The following TBC1D14 variants were observed in gnomAD, a reference collection of about 807,000 sequenced individuals.
The protein encoded by TBC1D14 is TBC1 domain family, member 14.
A neutral mutation model predicts 79.0 loss-of-function variants in TBC1D14; 26 were observed. The observed-to-expected ratio is 0.33, with a 90% CI of 0.24 to 0.46. TBC1D14 has a LOEUF of 0.46. Ranked by LOEUF, TBC1D14 falls within the 20% of genes least tolerant of loss-of-function variation. TBC1D14 has a pLI of 1.00. For missense variants in TBC1D14, 769 were observed against 887.6 expected, an observed-to-expected ratio of 0.87 and a Z score of 1.70; for synonymous variants, 394 against 349.9, an observed-to-expected ratio of 1.13 and a Z score of -1.40.
chr4:6,934,329 G>A (rs1008576980), intron 2 of TBC1D14, among the ~76,000 whole-genome samples: 1 of 152,084 alleles, frequency 6.6e-6, no homozygotes, highest in Admixed American at 6.6e-5. Context: ...GCTGGGTGCC[G>A]GCCCGGTGAG....
rs1560245927 is a variant in TBC1D14 at position 6,923,629 on chromosome 4, C to T, written c.240C>T (p.Pro80=). Residue 80 remains proline, a synonymous_variant, in exon 2 of 14, where the codon CCC becomes CCT. Coordinates refer to ENST00000409757, the MANE Select transcript of TBC1D14 (RefSeq NM_020773.3). ...AGATCGGGAACCCGGAGCCTGTACCCTGCAGCGCGGTCCACGTGAGGAGGA... is the reference window on the plus strand; with the variant it reads ...AGATCGGGAACCCGGAGCCTGTACCTTGCAGCGCGGTCCACGTGAGGAGGA... The part of the protein sequence containing the change: ...TLEIGNPEPV[P]CSAVHVRRKQ... 3.1e-6 allele frequency: 5 copies of T among 1,613,864 alleles called. No homozygotes were observed. The highest frequency in any genetic ancestry group is 2.2e-5 in the East Asian group (1 of 44,896).
chr4:6,939,556 C>G (rs1276968636), intron 2 of TBC1D14, among the ~76,000 whole-genome samples: 1 of 152,080 alleles, frequency 6.6e-6, no homozygotes, highest in Non-Finnish European at 1.5e-5. Flanking sequence ...GCCCGAGGAC[C>G]CGGTCCTGGG....
At chr4:6,966,051 A>G (rs1418208536) in intron 2 of TBC1D14, among the ~76,000 whole-genome samples, 1 of 152,074 alleles carries the variant, frequency 6.6e-6, no homozygotes, top group Non-Finnish European at 1.5e-5. Flanking sequence ...CTCCTCCTCC[A>G]TTAATTTCTA....
intron 2 of TBC1D14, among the ~76,000 whole-genome samples, chr4:6,935,833 G>C (rs1189029620): frequency 6.6e-6 from 1 of 151,918 alleles, no homozygotes; most frequent in East Asian, 1.9e-4. Flanking sequence ...TAGTAGAAAT[G>C]GGGTTTCACT....
chr4:6,909,709 G>C (rs563499437), upstream of TBC1D14: 2 of 151,068 alleles, frequency 1.3e-5, no homozygotes, highest in Non-Finnish European at 3.0e-5. Context: ...GCGGAAGAAC[G>C]GGCGCGGGCC....
chr4:6,954,287 A>G, intron 2 of TBC1D14: 2 of 717,466 alleles, frequency 2.8e-6, no homozygotes, highest in Non-Finnish European at 5.2e-6. Flanking sequence ...CGGAGCTGCG[A>G]GGTCACAGTA....
rs1449701920 is a variant in TBC1D14, at chr4:6,977,015, G to A, written c.843+9591G>A. ...CCAATGGACTATCAATCCCGGAGAAGAAAATCAGGGCGCTCCCTCCTCTCC... is the reference window on the plus strand; with the variant it reads ...CCAATGGACTATCAATCCCGGAGAAAAAAATCAGGGCGCTCCCTCCTCTCC... On this transcript the variant is annotated intron_variant, in intron 3 of 13. Coordinates refer to ENST00000409757, the MANE Select transcript of TBC1D14 (RefSeq NM_020773.3). Among the ~76,000 whole-genome samples, 5 of 119,014 alleles carry A rather than the reference G, an allele frequency of 4.2e-5. No homozygotes were observed. The East Asian group carries it at 1.0e-3, about 25-fold the overall frequency. The allele number at this position is 119,014 out of a possible 152,430, so 78.1% of individuals were successfully genotyped here.
At chr4:6,979,452 C>G (rs991011391) in intron 3 of TBC1D14, among the ~76,000 whole-genome samples, 4 of 152,006 alleles carry the variant, frequency 2.6e-5, no homozygotes, top group African/African-American at 4.8e-5. Flanking sequence ...ATAGTGAGAC[C>G]CTGTCTCTAT....
At chr4:6,909,755 C>T (rs1172989974), upstream of TBC1D14, 3 of 148,720 alleles carry the variant, frequency 2.0e-5, no homozygotes, top group African/African-American at 7.4e-5. Flanking sequence ...GGGGGCGTGC[C>T]CAGGGGGCGG....
In TBC1D14 at chr4:6,923,902, C is replaced by A; in HGVS notation, c.513C>A (p.Ser171=). 6.2e-7 allele frequency: 1 copy of A among 1,614,136 alleles called. No individual in the cohort carries two copies. The highest frequency in any genetic ancestry group is 2.2e-5 in the East Asian group (1 of 44,882). ...GGACAGAGCTGTCCACCACGCTGTC[C>A]GTCAGCAATGAGGACATCTTGGACC... ...SLGTELSTTL[S]VSNEDILDLV... Residue 171 remains serine, a synonymous_variant, in exon 2 of 14, where the codon TCC becomes TCA. Transcript: ENST00000409757.
chr4:6,925,934 A>G (rs1241070812), intron 2 of TBC1D14, among the ~76,000 whole-genome samples: 2 of 152,200 alleles, frequency 1.3e-5, no homozygotes, highest in African/African-American at 2.4e-5. Context: ...ATGGGTTTTC[A>G]GAAATGTGGG....
rs1721097330 is a variant in TBC1D14 at position 7,014,547 on chromosome 4, C to T, written c.1747C>T (p.Leu583=). 8 of 1,608,790 alleles carry T rather than the reference C, an allele frequency of 5.0e-6. No homozygotes were observed. The highest frequency in any genetic ancestry group is 1.7e-5 in the Admixed American group (1 of 59,978). The change falls in exon 12 of 14, where the codon CTA becomes TTA. Residue 583 remains leucine (L), a synonymous_variant. Transcript: ENST00000409757. ...KKNNLTPDIY[L]IDWIFTLYSK... Reference sequence around the variant, plus strand: ...GAACAACCTAACTCCAGATATCTACCTAATTGATTGGTAAGACTGGCTTTT... The same window carrying T: ...GAACAACCTAACTCCAGATATCTACTTAATTGATTGGTAAGACTGGCTTTT...
At chr4:6,937,932 C>T (rs963694258) in intron 2 of TBC1D14, among the ~76,000 whole-genome samples, 15 of 151,988 alleles carry the variant, frequency 9.9e-5, no homozygotes, top group Non-Finnish European at 1.0e-4. Flanking sequence ...CCACGTCTGA[C>T]GTAGGCTCCC....
chr4:7,021,723 G>C (rs1283393130), intron 12 of TBC1D14, among the ~76,000 whole-genome samples: 2 of 150,014 alleles, frequency 1.3e-5, no homozygotes, highest in Non-Finnish European at 3.0e-5. Flanking sequence ...TACCATTTTT[G>C]ATCTACAACG....
chr4:7,003,960 T>C (rs2109215327), intron 7 of TBC1D14, among the ~76,000 whole-genome samples: 1 of 152,148 alleles, frequency 6.6e-6, no homozygotes, highest in African/African-American at 2.4e-5. Context: ...CAGCCAAGAT[T>C]GCGCCACTGC....
chr4:6,944,603 G>C (rs1259376282), intron 2 of TBC1D14, among the ~76,000 whole-genome samples: 1 of 152,204 alleles, frequency 6.6e-6, no homozygotes, highest in Non-Finnish European at 1.5e-5. Flanking sequence ...TTACAAACGA[G>C]CATGCTCCAA....
chr4:7,012,335 T>C (rs1720865876), intron 11 of TBC1D14, among the ~76,000 whole-genome samples: 1 of 151,598 alleles, frequency 6.6e-6, no homozygotes, highest in African/African-American at 2.4e-5. Flanking sequence ...TTGGTAAATT[T>C]GGTAGCTATT....
At chr4:6,996,555 A>G in intron 5 of TBC1D14, 148 bp downstream of exon 5, 3 of 643,192 alleles carry the variant, frequency 4.7e-6, no homozygotes, top group South Asian at 2.0e-5. Flanking sequence ...AAAAAGATGC[A>G]TGCGGAAAGC....
intron 7 of TBC1D14, among the ~76,000 whole-genome samples, chr4:7,002,402 G>T (rs1719762359): frequency 6.6e-6 from 1 of 152,208 alleles, no homozygotes; most frequent in South Asian, 2.1e-4. Context: ...AGTACCTTGT[G>T]TGTGTGTTTA....
Sources: gnomAD v4.1 joint callset for allele counts (sites outside exome capture counted in the v4.1 genomes callset) on GRCh38, gnomAD v4.1.1 for gene constraint, MANE v1.5 for transcripts, NCBI Gene and HGNC (gene_info 2026-07-23, HGNC 2026-07-21) for gene names.